TMEM200A: variants seen among roughly 807,000 people sequenced by gnomAD.
TMEM200A encodes two transmembrane C.
In TMEM200A, 12 loss-of-function variants were observed where a neutral mutation model predicts 24.3. The ratio of observed to expected loss-of-function variants is 0.49; its 90% CI spans 0.32 to 0.80. The LOEUF is 0.80. TMEM200A is among the 30% of genes least tolerant of loss of function. The pLI is 0.04. For synonymous variants in TMEM200A, 224 were observed against 224.4 expected, an observed-to-expected ratio of 1.00 and a Z score of 0.02; for missense variants, 545 against 614.4, an observed-to-expected ratio of 0.89 and a Z score of 1.19.
At chr6:130,401,390 CTTCTT>C (rs1779079122) in intron 2 of TMEM200A, among the ~76,000 whole-genome samples, 1 of 149,408 alleles carries the variant, frequency 6.7e-6, no homozygotes, top group African/African-American at 2.5e-5. Flanking sequence ...TGCTTGCTTG[CTTCTT>C]TCTTTCTTTT....
chr6:130,408,188 A>G (rs1157792244), intron 2 of TMEM200A, among the ~76,000 whole-genome samples: 2 of 152,178 alleles, frequency 1.3e-5, no homozygotes, highest in African/African-American at 2.4e-5. Context: ...TGGGCAGAGC[A>G]GACTGTAGAG....
intron 2 of TMEM200A, among the ~76,000 whole-genome samples, chr6:130,414,707 C>T (rs535031246): frequency 6.6e-6 from 1 of 152,174 alleles, no homozygotes; most frequent in Non-Finnish European, 1.5e-5. Flanking sequence ...TTCAATGACT[C>T]CTGTAACATC....
chr6:130,426,193 T>C (rs1347517351), intron 2 of TMEM200A, among the ~76,000 whole-genome samples: 3 of 152,134 alleles, frequency 2.0e-5, no homozygotes, highest in Non-Finnish European at 4.4e-5. Flanking sequence ...AGGGTAACCC[T>C]TGAGGGCCAG....
At chr6:130,399,222 G>A (rs922253529) in intron 2 of TMEM200A, among the ~76,000 whole-genome samples, 52 of 151,504 alleles carry the variant, frequency 3.4e-4, no homozygotes, top group African/African-American at 7.8e-4. Context: ...TGTTTTTCTT[G>A]TGTAATGTTT....
At chr6:130,424,037 CAT>C (rs1353429336) in intron 2 of TMEM200A, among the ~76,000 whole-genome samples, 2 of 152,074 alleles carry the variant, frequency 1.3e-5, no homozygotes, top group African/African-American at 2.4e-5. Context: ...CTTTAAATAA[CAT>C]ATTTTTAAAA....
At chr6:130,439,809 G>A (rs1417082240) in intron 2 of TMEM200A, among the ~76,000 whole-genome samples, 1 of 152,048 alleles carries the variant, frequency 6.6e-6, no homozygotes, top group Non-Finnish European at 1.5e-5. Context: ...AATATCCATG[G>A]AAGCAGAGAG....
intron 2 of TMEM200A, among the ~76,000 whole-genome samples, chr6:130,436,617 C>A: frequency 1.0e-5 from 1 of 95,938 alleles, no homozygotes; most frequent in Non-Finnish European, 2.2e-5. Context: ...CACTAGGCTT[C>A]GTTTTTCTTT....
chr6:130,378,711 A>G (rs1778524787), intron 1 of TMEM200A, among the ~76,000 whole-genome samples: 1 of 145,854 alleles, frequency 6.9e-6, no homozygotes, highest in South Asian at 2.2e-4. Context: ...TGACAGAGTG[A>G]GACTCCGTCT....
intron 2 of TMEM200A, chr6:130,439,186 T>C (rs980441119): frequency 1.3e-5 from 2 of 152,198 alleles, no homozygotes; most frequent in African/African-American, 2.4e-5. Context: ...TCAGAGATGA[T>C]TGATTAATCT....
chr6:130,411,465 C>T (rs1027141875), intron 2 of TMEM200A, among the ~76,000 whole-genome samples: 1 of 152,170 alleles, frequency 6.6e-6, no homozygotes, highest in Non-Finnish European at 1.5e-5. Flanking sequence ...ATTCAAAGCA[C>T]TAACATTGGT....
At chr6:130,377,608 C>T (rs968227506) in intron 1 of TMEM200A, among the ~76,000 whole-genome samples, 1 of 152,206 alleles carries the variant, frequency 6.6e-6, no homozygotes. Context: ...CCAAGTCCTC[C>T]TGCAGTTTTG....
chr6:130,422,910 A>G (rs1779636054), intron 2 of TMEM200A, among the ~76,000 whole-genome samples: 1 of 152,240 alleles, frequency 6.6e-6, no homozygotes, highest in Non-Finnish European at 1.5e-5. Flanking sequence ...AGTATTGTAG[A>G]AGATAAGATT....
chr6:130,374,558 G>A (rs1217316448), intron 1 of TMEM200A, among the ~76,000 whole-genome samples: 2 of 151,988 alleles, frequency 1.3e-5, no homozygotes, highest in Admixed American at 1.3e-4. Flanking sequence ...TGGGATTACA[G>A]GGGCACACCA....
intron 2 of TMEM200A, among the ~76,000 whole-genome samples, chr6:130,399,958 A>G (rs918301015): frequency 6.6e-6 from 1 of 152,044 alleles, no homozygotes; most frequent in Non-Finnish European, 1.5e-5. Flanking sequence ...TTCCTGAGTT[A>G]CATCACTTAG....
chr6:130,393,556 A>G (rs1036597805), intron 2 of TMEM200A, among the ~76,000 whole-genome samples: 3 of 152,180 alleles, frequency 2.0e-5, no homozygotes, highest in Non-Finnish European at 4.4e-5. Flanking sequence ...GATCATGTTC[A>G]TGGGGTCCGA....
chr6:130,409,840 G>GTTT (rs60589180), intron 2 of TMEM200A, among the ~76,000 whole-genome samples: 11 of 144,902 alleles, frequency 7.6e-5, no homozygotes, highest in African/African-American at 2.8e-4. Flanking sequence ...CTGTCTCTCA[G>GTTT]TTTTTTTTTT....
At chr6:130,440,379 T>A in intron 2 of TMEM200A, 28 bp from the exon 3 acceptor site, 3 of 1,503,500 alleles carry the variant, frequency 2.0e-6, no homozygotes, top group Non-Finnish European at 1.8e-6. Flanking sequence ...ATTTACATCA[T>A]CTTTTTCCTT....
chr6:130,410,394 G>A (rs1345874759), intron 2 of TMEM200A, among the ~76,000 whole-genome samples: 1 of 152,148 alleles, frequency 6.6e-6, no homozygotes, highest in African/African-American at 2.4e-5. Flanking sequence ...TAAATGAAAT[G>A]TCTAAATCCA....
At chr6:130,374,418 GTTTTTT>G (rs760281727) in intron 1 of TMEM200A, among the ~76,000 whole-genome samples, 2,543 of 81,884 alleles carry the variant, frequency 0.031, 20 homozygotes, top group African/African-American at 0.089. Context: ...TTTTGTTTTT[GTTTTTT>G]TTTTTTCAGA....
Sources: gnomAD v4.1 joint callset for allele counts (sites outside exome capture counted in the v4.1 genomes callset) on GRCh38, gnomAD v4.1.1 for gene constraint, MANE v1.5 for transcripts, NCBI Gene and HGNC (gene_info 2026-07-23, HGNC 2026-07-21) for gene names.